The following RIMBP2 variants were observed in gnomAD, a reference collection of about 807,000 sequenced individuals.
RIMBP2 encodes the protein RIMS binding protein 2, also known as RIMS-binding protein 2.
Under a neutral mutation model 118.6 loss-of-function variants are expected in RIMBP2, and 48 were observed. That is an observed-to-expected ratio of 0.40 (90% CI 0.32 to 0.51). The LOEUF (loss-of-function observed/expected upper bound fraction) is 0.51, where lower values mean the gene tolerates loss of function less well. RIMBP2 is among the 20% of genes least tolerant of loss of function. The pLI, the probability that RIMBP2 is intolerant of heterozygous loss-of-function variation, is 0.41. For synonymous variants in RIMBP2, 762 were observed against 742.9 expected (o/e 1.03, Z -0.42); for missense variants, 1,551 against 1,768.3 (o/e 0.88, Z 2.20).
At chr12:130,611,425 G>A (rs746682578) in intron 2 of RIMBP2, among the ~76,000 whole-genome samples, 2 of 152,174 alleles carry the variant, frequency 1.3e-5, no homozygotes, top group Non-Finnish European at 2.9e-5. Flanking sequence ...TTCCACTCCC[G>A]CAGAAGCCAG....
At chr12:130,494,260 T>C (rs1402859798) in intron 4 of RIMBP2, among the ~76,000 whole-genome samples, 4 of 152,028 alleles carry the variant, frequency 2.6e-5, no homozygotes, top group South Asian at 2.1e-4. Context: ...GGCCTAGAAG[T>C]TGGCACCTCC....
intron 1 of RIMBP2, among the ~76,000 whole-genome samples, chr12:130,657,137 A>G (rs1335009377): frequency 6.6e-6 from 1 of 152,280 alleles, no homozygotes; most frequent in East Asian, 1.9e-4. Flanking sequence ...GGCTGAAGCA[A>G]TCCTCCCAGC....
chr12:130,427,099 C>T (rs927221709), intron 15 of RIMBP2: 4 of 152,080 alleles, frequency 2.6e-5, no homozygotes, highest in African/African-American at 9.7e-5. Flanking sequence ...AAGGCCCTGC[C>T]AGGGGCCTTT....
At position 130,453,129 on chromosome 12, in the gene RIMBP2, A is replaced by C. The variant is rs915796528; in HGVS notation, c.359-1789T>G. Among the ~76,000 whole-genome samples, 4 of 152,346 alleles carry C rather than the reference A, an allele frequency of 2.6e-5. No individual in the cohort carries two copies. In the East Asian group the frequency reaches 7.7e-4, roughly 29 times the overall value. On this transcript the variant is annotated intron_variant, in intron 7 of 22. Coordinates refer to ENST00000690449, the MANE Select transcript of RIMBP2 (RefSeq NM_001393629.1). ...AAACCCAGCTCCCATACTGGAAGGA[A>C]AACTGGCTGCGCCAGGGATAGGAGA...
At chr12:130,483,587 C>T (rs1476527435) in intron 4 of RIMBP2, among the ~76,000 whole-genome samples, 3 of 151,582 alleles carry the variant, frequency 2.0e-5, no homozygotes, top group Non-Finnish European at 4.4e-5. Context: ...AGAGACAGAG[C>T]CCCACGCGGC....
intron 1 of RIMBP2, among the ~76,000 whole-genome samples, chr12:130,643,619 T>C (rs551070346): frequency 3.0e-4 from 45 of 152,246 alleles, no homozygotes; most frequent in African/African-American, 1.1e-3. Flanking sequence ...ATTCTATACA[T>C]GCGGAGGGAA....
intron 16 of RIMBP2, among the ~76,000 whole-genome samples, chr12:130,423,459 T>C (rs1263107325): frequency 1.3e-5 from 2 of 152,160 alleles, no homozygotes; most frequent in Non-Finnish European, 2.9e-5. Context: ...AAGGTCAGCA[T>C]GACAGGAGCA....
rs965477594 is a variant in RIMBP2, at chr12:130,424,258, C to G, written c.3013G>C (p.Glu1005Gln). Residue 1005 changes from glutamate to glutamine, a missense_variant, in exon 16 of 23, where the codon GAG becomes CAG. By Grantham distance (29) the Glu-to-Gln change is conservative (BLOSUM62 2). Around this residue, in one of 5 missense-constraint regions of RIMBP2, gnomAD observed 1,038 missense variants for 1,125.1 expected, o/e 0.92. Transcript: ENST00000690449. The surrounding 1 kb of genome is among the most constrained non-coding windows in gnomAD (Gnocchi z 9.8). ...CGAAAATCTTGGTGCTCGGTGGGCT[C>G]GCCCCAGCCGTGCTTCCTGGGGGGC... is the stretch of plus-strand genomic sequence containing the variant. The part of the protein sequence containing the change: ...RPPPRKHGWG[E>Q]PTEHQDFRGV... The G allele has an allele frequency of 5.7e-5, 70 of 1,231,714 alleles. No individual in the cohort carries two copies. Among genetic ancestry groups the G allele is most frequent in the Admixed American group, 1.7e-4 (4 of 23,702 alleles). The allele number at this position is 1,231,714 out of a possible 1,614,324, so 76.3% of individuals were successfully genotyped here. A position where few individuals can be genotyped will look rare whatever the true frequency, so the allele number is the denominator to read the frequency against.
chr12:130,541,648 A>G (rs2054612861), intron 2 of RIMBP2, among the ~76,000 whole-genome samples: 1 of 152,234 alleles, frequency 6.6e-6, no homozygotes, highest in African/African-American at 2.4e-5. Flanking sequence ...TTGCCAAGGG[A>G]AATTGGAAAT....
chr12:130,710,644 C>G lies in RIMBP2; in HGVS notation c.-352+5578G>C, dbSNP rs542131212. On this transcript the variant is annotated intron_variant, in intron 1 of 22. Transcript: ENST00000690449. The surrounding 1 kb of genome is among the most constrained non-coding windows in gnomAD (Gnocchi z 4.3). The stretch of plus-strand genomic sequence containing the variant: ...GATAGAGAAGTGGCAGGTGCTGCAC[C>G]TCCCCCGCCCCAGGCTCAGCACCAA... 3.3e-5 allele frequency among the ~76,000 whole-genome samples: 5 copies of G among 152,296 alleles called. No individual in the cohort carries two copies. The highest frequency in any genetic ancestry group is 3.3e-4 in the Admixed American group (5 of 15,304).
chr12:130,645,980 C>T (rs1231086292), intron 1 of RIMBP2, among the ~76,000 whole-genome samples: 1 of 152,072 alleles, frequency 6.6e-6, no homozygotes, highest in Admixed American at 6.5e-5. Flanking sequence ...AAAGAAAAAA[C>T]CCAGGGAACA....
intron 1 of RIMBP2, among the ~76,000 whole-genome samples, chr12:130,678,638 C>A (rs2064622047): frequency 6.6e-6 from 1 of 152,222 alleles, no homozygotes; most frequent in Non-Finnish European, 1.5e-5. Context: ...CTGCCTCAGC[C>A]TCCAGAATAG....
intron 4 of RIMBP2, among the ~76,000 whole-genome samples, chr12:130,480,790 A>T (rs1331222084): frequency 6.6e-6 from 1 of 152,140 alleles, no homozygotes; most frequent in Non-Finnish European, 1.5e-5. Flanking sequence ...TAGTAGATAC[A>T]GGGTTTTGCC....
chr12:130,596,254 G>A (rs773483129), intron 2 of RIMBP2, among the ~76,000 whole-genome samples: 4 of 152,144 alleles, frequency 2.6e-5, no homozygotes, highest in Non-Finnish European at 5.9e-5. Flanking sequence ...GGAAGCCATG[G>A]GTGATAATGC....
intron 1 of RIMBP2, among the ~76,000 whole-genome samples, chr12:130,677,798 C>A (rs2064566674): frequency 6.6e-6 from 1 of 152,196 alleles, no homozygotes; most frequent in South Asian, 2.1e-4. Context: ...CCACCACTGT[C>A]CCCCCAAAAT....
intron 4 of RIMBP2, among the ~76,000 whole-genome samples, chr12:130,505,243 T>C (rs936375723): frequency 5.9e-5 from 9 of 152,078 alleles, no homozygotes; most frequent in Non-Finnish European, 1.2e-4. Context: ...TCAGGGCCGG[T>C]AGTCAGAGAA....
intron 1 of RIMBP2, among the ~76,000 whole-genome samples, chr12:130,712,882 G>A (rs7308770): frequency 0.61 from 92,594 of 151,708 alleles, 32,183 homozygotes; most frequent in Non-Finnish European, 0.8. Flanking sequence ...TGTTCTAATC[G>A]CACAGCCACC....
chr12:130,619,428 T>C (rs775671010), intron 2 of RIMBP2, among the ~76,000 whole-genome samples: 1 of 152,216 alleles, frequency 6.6e-6, no homozygotes, highest in Non-Finnish European at 1.5e-5. Context: ...ATTGATTTTT[T>C]TACTCCTTGG....
intron 2 of RIMBP2, among the ~76,000 whole-genome samples, chr12:130,613,124 G>T (rs2140641497): frequency 6.6e-6 from 1 of 152,334 alleles, no homozygotes; most frequent in East Asian, 1.9e-4. Context: ...CCTTTGGAAA[G>T]TCGCATCTGT....
Sources: allele counts gnomAD v4.1 joint callset (sites outside exome capture counted in the v4.1 genomes callset), GRCh38; gene constraint gnomAD v4.1.1; regional missense constraint gnomAD v4.1.1; non-coding constraint Gnocchi (gnomAD v3.1); transcripts MANE v1.5; gene names NCBI Gene and HGNC (gene_info 2026-07-23, HGNC 2026-07-21).